Variants in DLC1 observed in about 807,000 individuals in gnomAD.
DLC1 encodes the protein rho GTPase-activating protein 7.
Under a neutral mutation model 140.3 loss-of-function variants are expected in DLC1, and 54 were observed. The ratio of observed to expected loss-of-function variants is 0.38; its 90% CI spans 0.31 to 0.48. DLC1 has a LOEUF of 0.48. Ranked by LOEUF, DLC1 falls within the 20% of genes least tolerant of loss-of-function variation. The pLI, the probability that DLC1 is intolerant of heterozygous loss-of-function variation, is 0.96. For missense variants in DLC1, 2,536 were observed against 1,907.0 expected (o/e 1.33, Z -6.14); for synonymous variants, 986 against 728.1 (o/e 1.35, Z -5.70).
At chr8:13,518,080 T>C (rs1180346041), upstream of DLC1, among the ~76,000 whole-genome samples, 4 of 149,972 alleles carry the variant, frequency 2.7e-5, no homozygotes, top group African/African-American at 4.9e-5. Context: ...GATTAAATGG[T>C]ATTTTAAAGA....
rs1018895323 is a variant in DLC1 at position 13,401,457 on chromosome 8, G to A, written c.1173+13C>T. ...ACTCCTATGGGAAAAGAAGTAGAAA[G>A]TGGAAAGCTCACAGGAACGTGCCGC... On this transcript the variant is annotated intron_variant, in intron 3 of 17. Coordinates refer to ENST00000276297, the MANE Select transcript of DLC1 (RefSeq NM_182643.3). 4.3e-6 allele frequency: 7 copies of A among 1,611,372 alleles called. No homozygotes were observed. Among genetic ancestry groups the A allele is most frequent in the Non-Finnish European group, 5.1e-6 (6 of 1,179,682 alleles).
intron 5 of DLC1, among the ~76,000 whole-genome samples, chr8:13,120,259 C>T (rs979749467): frequency 4.0e-5 from 6 of 148,340 alleles, no homozygotes; most frequent in South Asian, 4.3e-4. Context: ...AGGAGAATGG[C>T]GTGAACCGGG....
intron 4 of DLC1, among the ~76,000 whole-genome samples, chr8:13,389,783 A>T (rs745997206): frequency 2.6e-5 from 4 of 152,184 alleles, no homozygotes; most frequent in Non-Finnish European, 4.4e-5. Flanking sequence ...TACTGTGGTC[A>T]CTACTATAAA....
intron 4 of DLC1, among the ~76,000 whole-genome samples, chr8:13,363,285 C>G (rs58807948): frequency 0.062 from 9,459 of 151,682 alleles, 374 homozygotes; most frequent in Non-Finnish European, 0.086. Flanking sequence ...TGCTTTCTGT[C>G]TGTTTCTGCA....
intron 4 of DLC1, among the ~76,000 whole-genome samples, chr8:13,391,081 G>A (rs1836738804): frequency 6.6e-6 from 1 of 151,938 alleles, no homozygotes; most frequent in Non-Finnish European, 1.5e-5. Flanking sequence ...AAAGTCGATT[G>A]TCTTTGATGG....
rs964580291 is a variant in DLC1 at position 13,548,369 on chromosome 8, C to T, written c.-125-48173G>A. Among the ~76,000 whole-genome samples the T allele has an allele frequency of 1.7e-3, 12 of 7,110 alleles. No individual in the cohort carries two copies. In the Non-Finnish European group the frequency reaches 0.092, roughly 55 times the overall value. 4.7% of individuals were successfully genotyped at this position (7,110 alleles called of 152,430 possible). A position where few individuals can be genotyped will look rare whatever the true frequency, so the allele number is the denominator to read the frequency against. On this transcript the variant is annotated intron_variant, in intron 1 of 1. Transcript: ENST00000631382. ...TTTATATCTTGTTCATTGCTGTGTA[C>T]TACACACCCCAGTATTAAATTGAAT...
In DLC1 at chr8:13,358,188, A is replaced by T. The variant is rs192577637; in HGVS notation, c.1314+35365T>A. On this transcript the variant is annotated intron_variant, in intron 4 of 17. Transcript: ENST00000276297. ...AAATAGCTGTAAGTCAGAGATTCTTACTTAATTAACTAAAACCAATTATAT... is the reference window on the plus strand; with the variant it reads ...AAATAGCTGTAAGTCAGAGATTCTTTCTTAATTAACTAAAACCAATTATAT... Among the ~76,000 whole-genome samples the T allele has an allele frequency of 4.4e-3, 671 of 152,350 alleles. 1 individual carries two copies. Among genetic ancestry groups the T allele is most frequent in the Admixed American group, 7.3e-3 (112 of 15,302 alleles).
chr8:13,539,744 GTGTGTA>G (rs907346161), intron 1 of DLC1, among the ~76,000 whole-genome samples: 3 of 124,724 alleles, frequency 2.4e-5, no homozygotes, highest in Admixed American at 9.2e-5. Flanking sequence ...TAAGAAATGT[GTGTGTA>G]TGTGTGTGTG....
chr8:13,350,255 T>G (rs1834581052), intron 4 of DLC1, among the ~76,000 whole-genome samples: 1 of 152,182 alleles, frequency 6.6e-6, no homozygotes, highest in Non-Finnish European at 1.5e-5. Flanking sequence ...TATAACTCCC[T>G]TATCTCGATA....
intron 1 of DLC1, among the ~76,000 whole-genome samples, chr8:13,534,405 G>A (rs7017082): frequency 1.4e-4 from 21 of 152,200 alleles, no homozygotes; most frequent in African/African-American, 5.1e-4. Context: ...TCAATAGAAG[G>A]CTCAGAACAT....
At chr8:13,171,043 C>T (rs1825441533) in intron 5 of DLC1, among the ~76,000 whole-genome samples, 1 of 152,138 alleles carries the variant, frequency 6.6e-6, no homozygotes, top group Non-Finnish European at 1.5e-5. Context: ...GTATGTGGAG[C>T]TATCTCATAA....
At chr8:13,375,397 G>A (rs1218713420) in intron 4 of DLC1, among the ~76,000 whole-genome samples, 1 of 152,142 alleles carries the variant, frequency 6.6e-6, no homozygotes, top group Non-Finnish European at 1.5e-5. Context: ...ATGAGCTTAA[G>A]GAGATTTTGG....
chr8:13,414,000 T>C (rs1259247033), intron 2 of DLC1, among the ~76,000 whole-genome samples: 1 of 152,130 alleles, frequency 6.6e-6, no homozygotes, highest in Non-Finnish European at 1.5e-5. Flanking sequence ...TGATGGTGAA[T>C]TATATCAGTG....
intron 5 of DLC1, among the ~76,000 whole-genome samples, chr8:13,204,449 A>T (rs762013872): frequency 6.6e-5 from 10 of 152,216 alleles, no homozygotes; most frequent in Non-Finnish European, 1.5e-4. Flanking sequence ...TTTGCTGATG[A>T]GTATTAATGA....
At chr8:13,370,235 T>C (rs1563291197) in intron 4 of DLC1, among the ~76,000 whole-genome samples, 4 of 152,132 alleles carry the variant, frequency 2.6e-5, no homozygotes, top group Non-Finnish European at 5.9e-5. Context: ...ATATTTTGTT[T>C]GTTTTTTCTT....
At chr8:13,467,061 C>G (rs1253185078) in intron 2 of DLC1, among the ~76,000 whole-genome samples, 1 of 152,112 alleles carries the variant, frequency 6.6e-6, no homozygotes, top group Admixed American at 6.6e-5. Flanking sequence ...TTTCCTACAC[C>G]AATGAATAAC....
At chr8:13,342,860 T>TGTCTC (rs1423222326) in intron 4 of DLC1, 1 of 133,312 alleles carries the variant, frequency 7.5e-6, no homozygotes, top group East Asian at 2.9e-4. Context: ...CTCTCTCTCT[T>TGTCTC]TGCGTCCAAC....
At chr8:13,215,657 G>A (rs1828162101) in intron 5 of DLC1, among the ~76,000 whole-genome samples, 1 of 152,032 alleles carries the variant, frequency 6.6e-6, no homozygotes, top group Admixed American at 6.6e-5. Context: ...TACTAGGGAA[G>A]CAAACTTTAA....
In DLC1 at chr8:13,343,342, GC is replaced by G. The variant is rs1167454306; in HGVS notation, c.1315-38041del. On this transcript the variant is annotated intron_variant, in intron 4 of 17. Coordinates refer to ENST00000276297, the MANE Select transcript of DLC1 (RefSeq NM_182643.3). Reference sequence around the variant, plus strand: ...TGAGACAGGAACAGCATGTACAGGGGCTGTCATTCTGCATAACTCCTGAGAT... The same window carrying G: ...TGAGACAGGAACAGCATGTACAGGGGTGTCATTCTGCATAACTCCTGAGAT... Among the ~76,000 whole-genome samples, 8 of 152,240 alleles carry G rather than the reference GC, an allele frequency of 5.3e-5. No individual in the cohort carries two copies. In the South Asian group the frequency reaches 8.3e-4, roughly 16 times the overall value.
Sources: allele counts gnomAD v4.1 joint callset (sites outside exome capture counted in the v4.1 genomes callset), GRCh38; gene constraint gnomAD v4.1.1; transcripts MANE v1.5; gene names NCBI Gene and HGNC (gene_info 2026-07-23, HGNC 2026-07-21).